The following PDGFB variants were observed in gnomAD, a reference collection of about 807,000 sequenced individuals.
The protein encoded by PDGFB is platelet derived growth factor subunit B.
Under a neutral mutation model 29.0 loss-of-function variants are expected in PDGFB, and 6 were observed. The ratio of observed to expected loss-of-function variants is 0.21; its 90% CI spans 0.11 to 0.41. The LOEUF is 0.41. Among genes scored for constraint, PDGFB ranks in the 10% least tolerant of loss-of-function variants. The pLI is 1.00. For missense variants in PDGFB, 299 were observed against 341.8 expected, an observed-to-expected ratio of 0.87 and a Z score of 0.99; for synonymous variants, 144 against 140.8, an observed-to-expected ratio of 1.02 and a Z score of -0.16.
chr22:39,227,552 G>A (rs946647544), intron 5 of PDGFB, among the ~76,000 whole-genome samples: 2 of 146,118 alleles, frequency 1.4e-5, no homozygotes, highest in African/African-American at 5.6e-5. Context: ...GTTACCGGCA[G>A]ATGCTGTTAC....
intron 1 of PDGFB, among the ~76,000 whole-genome samples, chr22:39,239,663 C>T (rs140899623): frequency 7.9e-4 from 121 of 152,272 alleles, no homozygotes; most frequent in Admixed American, 1.3e-3. Context: ...AGAGTGAGGG[C>T]GTGGCGAGGA....
chr22:39,232,397 C>T (rs749018796), intron 3 of PDGFB, among the ~76,000 whole-genome samples: 6 of 152,274 alleles, frequency 3.9e-5, no homozygotes, highest in South Asian at 2.1e-4. Flanking sequence ...CTGAGGTTAC[C>T]GATGCTATCC....
chr22:39,233,204 C>A (rs1276933471), intron 3 of PDGFB, among the ~76,000 whole-genome samples: 1 of 152,190 alleles, frequency 6.6e-6, no homozygotes. Flanking sequence ...AACGAATGAG[C>A]TTTGCAGCAC....
chr22:39,229,948 C>CA, intron 5 of PDGFB, 136 bp downstream of exon 5: 1 of 1,067,208 alleles, frequency 9.4e-7, no homozygotes, highest in Non-Finnish European at 1.4e-6. Flanking sequence ...GCTTGTGTCT[C>CA]AGCAAGATGA....
Position 39,244,947 on chromosome 22 carries a change from G to A in PDGFB, c.-984C>T, listed in dbSNP as rs1275004137. 6.6e-6 allele frequency among the ~76,000 whole-genome samples: 1 copy of A among 152,064 alleles called. No homozygotes were observed. The highest frequency in any genetic ancestry group is 2.4e-5 in the African/African-American group (1 of 41,414). ...GAGGCTGCGGGTGCGCAGGGAGGCA[G>A]GCAGGCCGCTCCCGGCTGCAGGAGG... is the stretch of plus-strand genomic sequence containing the variant. On this transcript the variant is annotated 5_prime_UTR_variant, in exon 1 of 7. Transcript: ENST00000331163. The surrounding 1 kb of genome is among the most constrained non-coding windows in gnomAD (Gnocchi z 4.5).
Position 39,231,298 on chromosome 22 carries a change from G to A in PDGFB, c.456+324C>T, listed in dbSNP as rs967681522. 6.6e-6 allele frequency among the ~76,000 whole-genome samples: 1 copy of A among 152,182 alleles called. No individual in the cohort carries two copies. Among genetic ancestry groups the A allele is most frequent in the Non-Finnish European group, 1.5e-5 (1 of 68,030 alleles). Reference sequence around the variant, plus strand: ...TTGCGGATACGGCTCTTCAAGGGACGTTTTGCGATTTTGTCCTTGTAAAGG... The same window carrying A: ...TTGCGGATACGGCTCTTCAAGGGACATTTTGCGATTTTGTCCTTGTAAAGG... On this transcript the variant is annotated intron_variant, in intron 4 of 6. Transcript: ENST00000331163. The surrounding 1 kb of genome is among the most constrained non-coding windows in gnomAD (Gnocchi z 4.3).
rs920492080 is a variant in PDGFB at position 39,244,162 on chromosome 22, G to A, written c.-199C>T. 6.8e-6 allele frequency: 2 copies of A among 293,264 alleles called. No homozygotes were observed. 18.2% of individuals were successfully genotyped at this position (293,264 alleles called of 1,614,324 possible). ...CCCGGCCCCGGCTCCGTCGCTGGGG[G>A]GCAGGGGAGGACCTGGGCGCAGGAC... On this transcript the variant is annotated 5_prime_UTR_variant, in exon 1 of 7. Coordinates refer to ENST00000331163, the MANE Select transcript of PDGFB (RefSeq NM_002608.4). This position sits in a 1 kb window ranked among gnomAD's most constrained non-coding sequence, Gnocchi z 4.5.
In PDGFB at chr22:39,242,558, G is replaced by A. The variant is rs1247614883; in HGVS notation, c.63+1343C>T. Among the ~76,000 whole-genome samples the A allele has an allele frequency of 6.6e-6, 1 of 150,670 alleles. No individual in the cohort carries two copies. The highest frequency in any genetic ancestry group is 3.2e-3 in the Middle Eastern group (1 of 312). On this transcript the variant is annotated intron_variant, in intron 1 of 6. Coordinates refer to ENST00000331163, the MANE Select transcript of PDGFB (RefSeq NM_002608.4). The surrounding 1 kb of genome is among the most constrained non-coding windows in gnomAD (Gnocchi z 5.7). ...GCGTCCTCCCTCCCGGGTGCGGGCC[G>A]CGGGGGGCGGCCGCGGAAGGGCGGG...
chr22:39,233,587 G>C lies in PDGFB; in HGVS notation c.161-63C>G, dbSNP rs148044535. On this transcript the variant is annotated intron_variant, in intron 2 of 6. Transcript: ENST00000331163. Reference sequence around the variant, plus strand: ...ACCTTGGGCAGGGGCTCCCTCCGCCGGGGTGTCTGGGCAGGCGGGAGGTTT... The same window carrying C: ...ACCTTGGGCAGGGGCTCCCTCCGCCCGGGTGTCTGGGCAGGCGGGAGGTTT... 9 of 1,177,152 alleles carry C rather than the reference G, an allele frequency of 7.6e-6. No individual in the cohort carries two copies. The African/African-American group carries it at 1.4e-4, about 19-fold the overall frequency. The allele number at this position is 1,177,152 out of a possible 1,614,324, so 72.9% of individuals were successfully genotyped here.
rs918068488 is a variant in PDGFB at position 39,223,814 on chromosome 22, T to G, written c.*1528A>C. ...GACTTTACAAACTGAAGGAAGCAGG[T>G]TTTGGAAGGCGGGAAGGGGGAAAGT... On this transcript the variant is annotated 3_prime_UTR_variant, in exon 7 of 7. Coordinates refer to ENST00000331163, the MANE Select transcript of PDGFB (RefSeq NM_002608.4). 1.3e-5 allele frequency: 2 copies of G among 152,220 alleles called. No individual in the cohort carries two copies. The highest frequency in any genetic ancestry group is 2.9e-5 in the Non-Finnish European group (2 of 67,946). The allele number at this position is 152,220 out of a possible 1,614,324, so 9.4% of individuals were successfully genotyped here.
At chr22:39,234,087 G>C (rs1932382159) in intron 2 of PDGFB, among the ~76,000 whole-genome samples, 1 of 151,876 alleles carries the variant, frequency 6.6e-6, no homozygotes, top group Non-Finnish European at 1.5e-5. Context: ...GTGGGAGTTG[G>C]GCCTGCTGGG....
At position 39,242,880 on chromosome 22, in the gene PDGFB, C is replaced by T. The variant is rs1216055700; in HGVS notation, c.63+1021G>A. 2 of 232,846 alleles carry T rather than the reference C, an allele frequency of 8.6e-6. No individual in the cohort carries two copies. Among genetic ancestry groups the T allele is most frequent in the East Asian group, 1.2e-4 (2 of 16,550 alleles). The allele number at this position is 232,846 out of a possible 1,614,324, so 14.4% of individuals were successfully genotyped here. On this transcript the variant is annotated intron_variant, in intron 1 of 6. Coordinates refer to ENST00000331163, the MANE Select transcript of PDGFB (RefSeq NM_002608.4). This position sits in a 1 kb window ranked among gnomAD's most constrained non-coding sequence, Gnocchi z 5.7. ...CACGCCGCGCTCCCGGCTGCCCTCT[C>T]CTCCCCTCCACCGCGCGCGTCGTCC...
Position 39,230,174 on chromosome 22 carries a change from T to C in PDGFB, c.511A>G (p.Thr171Ala), listed in dbSNP as rs551479078. 6.2e-7 allele frequency: 1 copy of C among 1,614,084 alleles called. No homozygotes were observed. The highest frequency in any genetic ancestry group is 1.3e-5 in the African/African-American group (1 of 75,064). The change falls in exon 5 of 7, where the codon ACG (threonine) becomes GCG (alanine). Residue 171 changes from threonine to alanine, a missense_variant. Transcript: ENST00000331163. ...TTGCATGCCAGGTGGTCTTCCAGCG[T>C]CACCGTGGCCTTCTTAAAGATTGGC... The part of the protein sequence containing the change: ...KKPIFKKATV[T>A]LEDHLACKCE...
chr22:39,232,701 G>T (rs1932339561), intron 3 of PDGFB, among the ~76,000 whole-genome samples: 1 of 152,078 alleles, frequency 6.6e-6, no homozygotes, highest in Non-Finnish European at 1.5e-5. Context: ...TGTCGGTCAG[G>T]ATGATCTCCA....
intron 5 of PDGFB, among the ~76,000 whole-genome samples, chr22:39,228,385 T>TA (rs1984853252): frequency 6.6e-6 from 1 of 151,460 alleles, no homozygotes; most frequent in Non-Finnish European, 1.5e-5. Flanking sequence ...ACCCAGGAGT[T>TA]AGAGACCAGC....
In PDGFB at chr22:39,231,765, C is replaced by T. The variant is rs753490148; in HGVS notation, c.313G>A (p.Glu105Lys). ...CGGTCTATGAGGCGCCGGGAGATCT[C>T]GAACACCTCGGTGCGCGTCTTGCAC... Reference protein sequence around the residue: ...AECKTRTEVFEISRRLIDRTN... With the variant: ...AECKTRTEVFKISRRLIDRTN... Residue 105 changes from glutamate to lysine, a missense_variant, in exon 4 of 7, where the codon GAG becomes AAG. Coordinates refer to ENST00000331163, the MANE Select transcript of PDGFB (RefSeq NM_002608.4). This position sits in a 1 kb window ranked among gnomAD's most constrained non-coding sequence, Gnocchi z 4.3. 4.3e-5 allele frequency: 70 copies of T among 1,613,460 alleles called. No individual in the cohort carries two copies. The highest frequency in any genetic ancestry group is 5.4e-5 in the Non-Finnish European group (64 of 1,179,882).
chr22:39,242,165 G>A lies in PDGFB; in HGVS notation c.63+1736C>T, dbSNP rs569422877. On this transcript the variant is annotated intron_variant, in intron 1 of 6. Transcript: ENST00000331163. The surrounding 1 kb of genome is among the most constrained non-coding windows in gnomAD (Gnocchi z 5.7). ...GTGCGTTTGTGTGCGGTGCGCGCGC[G>A]TGTGTCCCGCGTGTGCACGGGCGTG... 1.1e-3 allele frequency: 246 copies of A among 220,414 alleles called. 1 individual carries two copies. The highest frequency in any genetic ancestry group is 3.5e-3 in the Admixed American group (61 of 17,284). The allele number at this position is 220,414 out of a possible 1,614,324, so 13.7% of individuals were successfully genotyped here. A position where few individuals can be genotyped will look rare whatever the true frequency, so the allele number is the denominator to read the frequency against.
At chr22:39,237,022 C>T (rs575083357) in intron 1 of PDGFB, among the ~76,000 whole-genome samples, 5 of 152,224 alleles carry the variant, frequency 3.3e-5, no homozygotes, top group South Asian at 2.1e-4. Context: ...CTTCTTGGTT[C>T]GCTCCACATT....
rs1364434341 is a variant in PDGFB at position 39,223,627 on chromosome 22, A to C, written c.*1715T>G. 1 of 152,822 alleles carries C rather than the reference A, an allele frequency of 6.5e-6. No homozygotes were observed. Among genetic ancestry groups the C allele is most frequent in the Admixed American group, 6.5e-5 (1 of 15,290 alleles). 9.5% of individuals were successfully genotyped at this position (152,822 alleles called of 1,614,324 possible). On this transcript the variant is annotated 3_prime_UTR_variant, in exon 7 of 7. Transcript: ENST00000331163. ...CGCAAGCTGTCGGCACATCCTGCCA[A>C]GGCAGAAAGGTTAATTGTCACGCAC...
Sources: gnomAD v4.1 joint callset for allele counts (sites outside exome capture counted in the v4.1 genomes callset) on GRCh38, gnomAD v4.1.1 for gene constraint, Gnocchi (gnomAD v3.1) non-coding constraint, MANE v1.5 for transcripts, NCBI Gene and HGNC (gene_info 2026-07-23, HGNC 2026-07-21) for gene names.